Variants in RTN4 observed in about 807,000 individuals in gnomAD.
RTN4 encodes reticulon-4.
Under a neutral mutation model 90.4 loss-of-function variants are expected in RTN4, and 32 were observed. The ratio of observed to expected loss-of-function variants is 0.35; its 90% CI spans 0.27 to 0.48. The LOEUF (loss-of-function observed/expected upper bound fraction) is 0.48, where lower values mean the gene tolerates loss of function less well. RTN4 is among the 20% of genes least tolerant of loss of function. The pLI, the probability that RTN4 is intolerant of heterozygous loss-of-function variation, is 0.99. For missense variants in RTN4, 1,706 were observed against 1,430.2 expected, an observed-to-expected ratio of 1.19 and a Z score of -3.11; for synonymous variants, 629 against 552.5, an observed-to-expected ratio of 1.14 and a Z score of -1.94.
chr2:55,021,320 AGT>A (rs1484937226), intron 3 of RTN4, among the ~76,000 whole-genome samples: 2 of 152,046 alleles, frequency 1.3e-5, no homozygotes, highest in Admixed American at 6.6e-5. Flanking sequence ...TGTCCTCAAC[AGT>A]GTGTCTGTAC....
At chr2:55,002,965 CCTT>C (rs1679953674) in intron 3 of RTN4, among the ~76,000 whole-genome samples, 1 of 152,256 alleles carries the variant, frequency 6.6e-6, no homozygotes, top group Non-Finnish European at 1.5e-5. Flanking sequence ...TTTAAATTTT[CCTT>C]CTTGTTGGCC....
intron 1 of RTN4, among the ~76,000 whole-genome samples, chr2:55,028,455 G>C (rs1682070789): frequency 6.6e-6 from 1 of 152,100 alleles, no homozygotes; most frequent in African/African-American, 2.4e-5. Flanking sequence ...TTTTTCAAGA[G>C]GCAATACAAC....
At chr2:54,977,826 G>C (rs1427267411) in intron 5 of RTN4, among the ~76,000 whole-genome samples, 1 of 152,266 alleles carries the variant, frequency 6.6e-6, no homozygotes, top group East Asian at 1.9e-4. Context: ...TTGCAAAGGA[G>C]CAAAACAAAC....
At chr2:55,132,502 C>A in the RTN4 span, among the ~76,000 whole-genome samples, 20 of 142,960 alleles carry the variant, frequency 1.4e-4, no homozygotes, top group Admixed American at 2.8e-4. Flanking sequence ...GACTCTGTCT[C>A]AAAAAAAAAA....
At chr2:54,988,077 G>A (rs1678711666) in intron 3 of RTN4, among the ~76,000 whole-genome samples, 1 of 152,218 alleles carries the variant, frequency 6.6e-6, no homozygotes, top group South Asian at 2.1e-4. Flanking sequence ...AGCACTGTGG[G>A]AGGCTGAGGC....
chr2:55,049,871 G>T lies in RTN4; in HGVS notation c.430C>A (p.Pro144Thr), dbSNP rs1668001691. The T allele has an allele frequency of 5.3e-6, 7 of 1,317,684 alleles. No individual in the cohort carries two copies. Among genetic ancestry groups the T allele is most frequent in the Non-Finnish European group, 6.8e-6 (7 of 1,037,034 alleles). The allele number at this position is 1,317,684 out of a possible 1,614,324, so 81.6% of individuals were successfully genotyped here. The stretch of plus-strand genomic sequence containing the variant: ...CTCACGCTGGCCGGGGGAGGAGGGG[G>T]AGGCCGGGCCGGAGGCTCGTCGTCC... ...PEDDEPPARP[P>T]PPPPASVSPQ... The change falls in exon 1 of 9, where the codon CCC (proline) becomes ACC (threonine). Residue 144 changes from proline (P) to threonine (T), a missense_variant. Pro to Thr is a conservative substitution (Grantham distance 38). Transcript: ENST00000337526.
Position 54,972,302 on chromosome 2 carries a change from A to ATAAT in RTN4, c.*850_*853dup, listed in dbSNP as rs1359442650. 3 of 152,784 alleles carry ATAAT rather than the reference A, an allele frequency of 2.0e-5. No homozygotes were observed. Among genetic ancestry groups the ATAAT allele is most frequent in the South Asian group, 2.1e-4 (1 of 4,830 alleles). The allele number at this position is 152,784 out of a possible 1,614,324, so 9.5% of individuals were successfully genotyped here. On this transcript the variant is annotated 3_prime_UTR_variant, in exon 9 of 9. Coordinates refer to ENST00000337526, the MANE Select transcript of RTN4 (RefSeq NM_020532.5). Reference sequence around the variant, plus strand: ...GGTATAAATCTTCATTTTGTAATTAATAATTTCTTGCATAACAATGTTTGA... The same window carrying ATAAT: ...GGTATAAATCTTCATTTTGTAATTAATAATTAATTTCTTGCATAACAATGTTTGA...
At chr2:55,064,497 C>A (rs990983471) in intron 2 of RTN4, among the ~76,000 whole-genome samples, 1 of 151,844 alleles carries the variant, frequency 6.6e-6, no homozygotes, top group Non-Finnish European at 1.5e-5. Flanking sequence ...ATTACAGGTG[C>A]CTGCCACGAC....
At chr2:55,036,599 CAAAAAAAAAAAAA>C (rs71410411) in intron 1 of RTN4, among the ~76,000 whole-genome samples, 11 of 72,990 alleles carry the variant, frequency 1.5e-4, no homozygotes, top group Non-Finnish European at 2.1e-4. Flanking sequence ...AAGACTGTCT[CAAAAAAAAAAAAA>C]AAAAAAAAAA....
intron 1 of RTN4, among the ~76,000 whole-genome samples, chr2:55,093,429 C>G (rs56214913): frequency 0.055 from 8,279 of 149,548 alleles, 320 homozygotes; most frequent in East Asian, 0.22. Flanking sequence ...ATAAATTAAG[C>G]AATAATGTCC....
chr2:54,983,065 GTT>G (rs1219142225), intron 4 of RTN4, among the ~76,000 whole-genome samples: 1 of 142,710 alleles, frequency 7.0e-6, no homozygotes. Context: ...GACTATGGTT[GTT>G]TTTTTTTTTT....
At chr2:55,123,546 G>C in the RTN4 span, among the ~76,000 whole-genome samples, 13,801 of 152,026 alleles carry the variant, frequency 0.091, 689 homozygotes, top group East Asian at 0.19. Context: ...AATTGAAAAT[G>C]AAGTTGCTAA....
upstream of RTN4, among the ~76,000 whole-genome samples, chr2:55,114,590 T>C (rs1383644577): frequency 6.6e-6 from 1 of 152,084 alleles, no homozygotes; most frequent in African/African-American, 2.4e-5. Context: ...TCCCAGCTAC[T>C]TGGGAGGCTG....
At chr2:55,053,930 A>C (rs916612127), upstream of RTN4, among the ~76,000 whole-genome samples, 2 of 152,170 alleles carry the variant, frequency 1.3e-5, no homozygotes, top group Non-Finnish European at 2.9e-5. Context: ...ACATATGGAC[A>C]TAGAGTTTGG....
chr2:55,051,408 A>G (rs1668086261), upstream of RTN4, among the ~76,000 whole-genome samples: 1 of 152,222 alleles, frequency 6.6e-6, no homozygotes, highest in Admixed American at 6.5e-5. Flanking sequence ...GCTTTCTGGG[A>G]GTCAGGAAGC....
chr2:54,997,437 C>G (rs568073008), intron 3 of RTN4, among the ~76,000 whole-genome samples: 1 of 152,260 alleles, frequency 6.6e-6, no homozygotes, highest in Admixed American at 6.5e-5. Flanking sequence ...CTGTGAAAAA[C>G]AATTTGGCAG....
upstream of RTN4, among the ~76,000 whole-genome samples, chr2:55,115,389 A>C (rs902307978): frequency 6.6e-6 from 1 of 152,228 alleles, no homozygotes; most frequent in Non-Finnish European, 1.5e-5. Context: ...ATCACTATGA[A>C]ACTGACTCTC....
At chr2:55,107,751 A>C (rs1418664037) in intron 1 of RTN4, among the ~76,000 whole-genome samples, 1 of 152,104 alleles carries the variant, frequency 6.6e-6, no homozygotes, top group Non-Finnish European at 1.5e-5. Context: ...GCCACTCCCC[A>C]GACAAACAGA....
chr2:55,014,545 G>A (rs1286265871), intron 3 of RTN4: 2 of 149,116 alleles, frequency 1.3e-5, no homozygotes, highest in Non-Finnish European at 3.0e-5. Flanking sequence ...TGGAGACAGA[G>A]TCTCGCTCTG....
Sources: allele counts gnomAD v4.1 joint callset (sites outside exome capture counted in the v4.1 genomes callset), GRCh38; gene constraint gnomAD v4.1.1; transcripts MANE v1.5; gene names NCBI Gene and HGNC (gene_info 2026-07-23, HGNC 2026-07-21).